Variants in STAU1 observed in about 807,000 individuals in gnomAD.
The protein encoded by STAU1 is double-stranded RNA-binding protein Staufen homolog 1.
In STAU1, 13 loss-of-function variants were observed where a neutral mutation model predicts 62.9. The observed-to-expected ratio is 0.21, with a 90% confidence interval of 0.13 to 0.33. The LOEUF (loss-of-function observed/expected upper bound fraction) is 0.33, where lower values mean the gene tolerates loss of function less well. Ranked by LOEUF, STAU1 falls within the 10% of genes least tolerant of loss-of-function variation. The pLI, the probability that STAU1 is intolerant of heterozygous loss-of-function variation, is 1.00. For synonymous variants in STAU1, 269 were observed against 265.1 expected (o/e 1.01, Z -0.14); for missense variants, 571 against 712.1 (o/e 0.80, Z 2.25).
chr20:49,157,059 T>C (rs1206217967), intron 3 of STAU1, among the ~76,000 whole-genome samples: 3 of 151,974 alleles, frequency 2.0e-5, no homozygotes, highest in Non-Finnish European at 4.4e-5. Flanking sequence ...GTACTTTTAG[T>C]AGAGACAGGG....
the STAU1 span, among the ~76,000 whole-genome samples, chr20:49,202,810 G>T: frequency 6.6e-6 from 1 of 151,922 alleles, no homozygotes; most frequent in South Asian, 2.1e-4. Context: ...GGAGGCTGAG[G>T]TGGGTGGATC....
chr20:49,191,853 C>G (rs2093831733), upstream of STAU1, among the ~76,000 whole-genome samples: 1 of 151,586 alleles, frequency 6.6e-6, no homozygotes, highest in South Asian at 2.1e-4. Flanking sequence ...GAGTTCGAGA[C>G]CAGCCTGGCC....
chr20:49,173,330 G>A (rs945990474), intron 2 of STAU1, among the ~76,000 whole-genome samples: 8 of 152,014 alleles, frequency 5.3e-5, no homozygotes, highest in Non-Finnish European at 7.4e-5. Context: ...GGTGGCACAC[G>A]CCTGTAATCC....
the STAU1 span, among the ~76,000 whole-genome samples, chr20:49,200,827 G>C: frequency 6.6e-6 from 1 of 151,408 alleles, no homozygotes; most frequent in Non-Finnish European, 1.5e-5. Context: ...CTGAGCCCAG[G>C]AGTTTGAGAC....
At chr20:49,115,719 C>G (rs2092304785) in intron 13 of STAU1, 63 bp downstream of exon 13, 1 of 1,420,220 alleles carries the variant, frequency 7.0e-7, no homozygotes, top group Non-Finnish European at 1.0e-6. Flanking sequence ...ATAGTGTAAA[C>G]TCAACACAAA....
At chr20:49,196,444 C>CAAAAAAAAAAAAAAAAAAA in the STAU1 span, among the ~76,000 whole-genome samples, 1 of 91,546 alleles carries the variant, frequency 1.1e-5, no homozygotes, top group Non-Finnish European at 2.4e-5. Flanking sequence ...CAAAACAAAA[C>CAAAAAAAAAAAAAAAAAAA]AAAAAAAAAA....
At chr20:49,148,758 G>A (rs1019423711) in intron 5 of STAU1, among the ~76,000 whole-genome samples, 1 of 152,222 alleles carries the variant, frequency 6.6e-6, no homozygotes, top group African/African-American at 2.4e-5. Flanking sequence ...GCTGCCCTCA[G>A]GACTGTGCCA....
Position 49,134,995 on chromosome 20 carries a change from T to A in STAU1, c.609+838A>T, listed in dbSNP as rs563129089. On this transcript the variant is annotated intron_variant, in intron 6 of 13. Coordinates refer to ENST00000371856, the MANE Select transcript of STAU1 (RefSeq NM_017453.4). ...TGAAGAGACAGTTCATGAACAAGAG[T>A]CTTTCAGGACCTGGACAGCGAAGGG... is the stretch of plus-strand genomic sequence containing the variant. 17 of 1,602,010 alleles carry A rather than the reference T, an allele frequency of 1.1e-5. No individual in the cohort carries two copies. In the Admixed American group the frequency reaches 1.7e-4, roughly 16 times the overall value.
chr20:49,158,159 G>A (rs1034513330), intron 3 of STAU1, among the ~76,000 whole-genome samples: 1 of 152,014 alleles, frequency 6.6e-6, no homozygotes, highest in African/African-American at 2.4e-5. Flanking sequence ...GTACGTGTCT[G>A]TAATCCCAGC....
At chr20:49,165,217 G>A (rs950389110) in intron 3 of STAU1, among the ~76,000 whole-genome samples, 3 of 152,014 alleles carry the variant, frequency 2.0e-5, no homozygotes, top group Admixed American at 6.6e-5. Flanking sequence ...GCTATTTTTT[G>A]TATTTTTAGT....
At chr20:49,215,593 GAA>G in the STAU1 span, among the ~76,000 whole-genome samples, 2 of 152,100 alleles carry the variant, frequency 1.3e-5, no homozygotes, top group Non-Finnish European at 1.5e-5. Context: ...TGGGATTAAG[GAA>G]AATATTATGT....
At chr20:49,163,419 CTTTTTT>C (rs200864480) in intron 3 of STAU1, among the ~76,000 whole-genome samples, 1 of 82,420 alleles carries the variant, frequency 1.2e-5, no homozygotes, top group Non-Finnish European at 2.2e-5. Flanking sequence ...GTGTTTAAAC[CTTTTTT>C]TTTTTTTTTT....
the STAU1 span, among the ~76,000 whole-genome samples, chr20:49,208,474 A>T: frequency 6.6e-6 from 1 of 152,032 alleles, no homozygotes; most frequent in Non-Finnish European, 1.5e-5. Flanking sequence ...AAGTGCTGGG[A>T]TTACAGGCGT....
intron 2 of STAU1, among the ~76,000 whole-genome samples, chr20:49,170,979 T>C (rs2093589625): frequency 6.6e-6 from 1 of 152,170 alleles, no homozygotes; most frequent in Non-Finnish European, 1.5e-5. Flanking sequence ...CTAAAATATA[T>C]TCACTCAATA....
At chr20:49,168,680 G>C (rs1312570294) in intron 2 of STAU1, among the ~76,000 whole-genome samples, 5 of 152,128 alleles carry the variant, frequency 3.3e-5, no homozygotes, top group Admixed American at 6.6e-5. Context: ...AGCCTGAACA[G>C]AGCATCTAAG....
In STAU1 at chr20:49,115,919, G is replaced by A. The variant is rs762977410; in HGVS notation, c.1633-52C>T. 4.0e-6 allele frequency: 6 copies of A among 1,517,602 alleles called. No individual in the cohort carries two copies. The Admixed American group carries it at 8.4e-5, about 21-fold the overall frequency. 94.0% of individuals were successfully genotyped at this position (1,517,602 alleles called of 1,614,324 possible). A position where few individuals can be genotyped will look rare whatever the true frequency, so the allele number is the denominator to read the frequency against. ...GCCACAGCCACCGCTTGGGACCACA[G>A]CATAATACACTGGTCAGGCAGGCAA... On this transcript the variant is annotated intron_variant, in intron 12 of 13. Coordinates refer to ENST00000371856, the MANE Select transcript of STAU1 (RefSeq NM_017453.4).
At chr20:49,115,903 A>T (rs1454105867) in intron 12 of STAU1, 36 bp from the exon 13 acceptor site, 1 of 1,579,388 alleles carries the variant, frequency 6.3e-7, no homozygotes, top group African/African-American at 1.3e-5. Flanking sequence ...AGCCACAGCC[A>T]CCGCTTGGGA....
intron 1 of STAU1, among the ~76,000 whole-genome samples, chr20:49,180,382 G>C (rs1012970747): frequency 6.6e-6 from 1 of 150,852 alleles, no homozygotes; most frequent in African/African-American, 2.5e-5. Context: ...GAAGTGCAGC[G>C]GCACGATGTC....
At chr20:49,128,951 TTAAC>T (rs1436176293) in intron 6 of STAU1, among the ~76,000 whole-genome samples, 2 of 151,988 alleles carry the variant, frequency 1.3e-5, no homozygotes, top group African/African-American at 4.8e-5. Context: ...TATAAAAAAT[TTAAC>T]AAACTACACC....
Sources: allele counts gnomAD v4.1 joint callset (sites outside exome capture counted in the v4.1 genomes callset), GRCh38; gene constraint gnomAD v4.1.1; transcripts MANE v1.5; gene names NCBI Gene and HGNC (gene_info 2026-07-23, HGNC 2026-07-21).